SLC25A30: variants seen among roughly 807,000 people sequenced by gnomAD.
SLC25A30 encodes solute carrier family 25 member 30, also known as kidney mitochondrial carrier protein 1.
Under a neutral mutation model 42.7 loss-of-function variants are expected in SLC25A30, and 29 were observed. The ratio of observed to expected loss-of-function variants is 0.68; its 90% confidence interval spans 0.51 to 0.93. The LOEUF (loss-of-function observed/expected upper bound fraction) is 0.93, where lower values mean the gene tolerates loss of function less well. Ranked by LOEUF, SLC25A30 falls within the 40% of genes least tolerant of loss-of-function variation. The pLI is 0.00. For missense variants in SLC25A30, 300 were observed against 359.7 expected (o/e 0.83, Z 1.34); for synonymous variants, 124 against 131.0 (o/e 0.95, Z 0.37).
At chr13:45,421,924 A>C (rs1883900316), upstream of SLC25A30, among the ~76,000 whole-genome samples, 1 of 152,144 alleles carries the variant, frequency 6.6e-6, no homozygotes, top group Non-Finnish European at 1.5e-5. Context: ...AAGTCTGGCC[A>C]TATAGGCACT....
At chr13:45,424,798 A>AT in the SLC25A30 span, among the ~76,000 whole-genome samples, 3 of 67,378 alleles carry the variant, frequency 4.5e-5, no homozygotes, top group African/African-American at 1.6e-4. Context: ...AAAAGAATAT[A>AT]AATATATAAA....
the SLC25A30 span, among the ~76,000 whole-genome samples, chr13:45,425,115 T>TA: frequency 4.8e-4 from 33 of 68,980 alleles, no homozygotes; most frequent in Non-Finnish European, 5.1e-4. Context: ...TATAAATATA[T>TA]TTATAAATAT....
chr13:45,433,731 C>T, the SLC25A30 span, among the ~76,000 whole-genome samples: 1 of 152,152 alleles, frequency 6.6e-6, no homozygotes, highest in African/African-American at 2.4e-5. Context: ...GGGCCACAGC[C>T]ATTTATGTCC....
At chr13:45,424,608 AAT>A in the SLC25A30 span, among the ~76,000 whole-genome samples, 6 of 42,212 alleles carry the variant, frequency 1.4e-4, 2 homozygotes. Context: ...AATATATATA[AAT>A]ATATATAAAT....
intron 1 of SLC25A30, among the ~76,000 whole-genome samples, chr13:45,417,155 A>G (rs576311563): frequency 6.6e-6 from 1 of 152,156 alleles, no homozygotes; most frequent in Admixed American, 6.5e-5. Context: ...CTAGAATTAG[A>G]CATCCGTCAC....
the SLC25A30 span, among the ~76,000 whole-genome samples, chr13:45,431,109 G>A: frequency 1.1e-4 from 16 of 152,066 alleles, no homozygotes; most frequent in Admixed American, 9.2e-4. Flanking sequence ...GTGCAATGGC[G>A]TGATCTTGGC....
intron 9 of SLC25A30, chr13:45,396,510 A>G (rs1881344774): frequency 3.7e-6 from 1 of 268,866 alleles, no homozygotes; most frequent in Non-Finnish European, 5.9e-6. Flanking sequence ...GCGGTGGCTC[A>G]CGCCTGTAAT....
At chr13:45,422,377 C>G (rs1883910167), upstream of SLC25A30, among the ~76,000 whole-genome samples, 1 of 152,070 alleles carries the variant, frequency 6.6e-6, no homozygotes, top group South Asian at 2.1e-4. Flanking sequence ...CTGGTCACCT[C>G]CTCTCCTTGG....
At chr13:45,421,156 A>G (rs1174182449), upstream of SLC25A30, among the ~76,000 whole-genome samples, 1 of 152,084 alleles carries the variant, frequency 6.6e-6, no homozygotes, top group Non-Finnish European at 1.5e-5. Context: ...AAGCAGGTGG[A>G]TCACCTGAGG....
upstream of SLC25A30, chr13:45,420,306 G>A (rs1261550769): frequency 6.6e-6 from 1 of 152,136 alleles, no homozygotes; most frequent in African/African-American, 2.4e-5. Context: ...TGGACTCTAG[G>A]TGAGTACCTG....
chr13:45,397,875 A>ACTCC, intron 8 of SLC25A30: 1 of 985,576 alleles, frequency 1.0e-6, no homozygotes, highest in Non-Finnish European at 1.2e-6. Context: ...AAAGGAGATA[A>ACTCC]ACACTGTTGA....
the SLC25A30 span, among the ~76,000 whole-genome samples, chr13:45,425,309 A>T: frequency 1.9e-5 from 2 of 105,598 alleles, no homozygotes; most frequent in Non-Finnish European, 3.4e-5. Flanking sequence ...CGTATATATA[A>T]ATATATATGT....
At chr13:45,420,310 G>A (rs1355095218), upstream of SLC25A30, 4 of 152,088 alleles carry the variant, frequency 2.6e-5, no homozygotes, top group African/African-American at 9.7e-5. Flanking sequence ...CTCTAGGTGA[G>A]TACCTGGATT....
chr13:45,423,767 A>AAATATAT, the SLC25A30 span, among the ~76,000 whole-genome samples: 1 of 24,442 alleles, frequency 4.1e-5, no homozygotes, highest in African/African-American at 1.6e-4. Context: ...TAAATATATA[A>AAATATAT]AAATATATAA....
rs554601944 is a variant in SLC25A30, at chr13:45,405,968, G to A, written c.222C>T (p.Pro74=). Residue 74 remains proline (P), a synonymous_variant, in exon 4 of 10, where the codon CCC becomes CCT. Coordinates refer to ENST00000519676, the MANE Select transcript of SLC25A30 (RefSeq NM_001010875.4). The part of the protein sequence containing the change: ...GLKALYSGIA[P]AMLRQASYGT... ...CATAGGATGCCTGGCGTAACATCGC[G>A]GGGGCAATCCTGTTAAACCAATGTA... is the stretch of plus-strand genomic sequence containing the variant. The A allele has an allele frequency of 6.8e-6, 11 of 1,614,112 alleles. No homozygotes were observed. Among genetic ancestry groups the A allele is most frequent in the African/African-American group, 4.0e-5 (3 of 75,028 alleles).
intron 2 of SLC25A30, among the ~76,000 whole-genome samples, chr13:45,410,807 G>T (rs971924809): frequency 2.5e-4 from 38 of 152,146 alleles, no homozygotes; most frequent in African/African-American, 8.9e-4. Context: ...ACCAGACCCT[G>T]TCTCAAAACA....
intron 1 of SLC25A30, among the ~76,000 whole-genome samples, chr13:45,413,477 C>T (rs942403031): frequency 6.6e-6 from 1 of 151,992 alleles, no homozygotes; most frequent in Non-Finnish European, 1.5e-5. Context: ...TGTAGTGGCA[C>T]GCATCTGTAG....
Position 45,394,567 on chromosome 13 carries a change from C to T in SLC25A30, c.*1407G>A. 2 of 985,154 alleles carry T rather than the reference C, an allele frequency of 2.0e-6. No individual in the cohort carries two copies. Among genetic ancestry groups the T allele is most frequent in the Non-Finnish European group, 2.4e-6 (2 of 829,882 alleles). 61.0% of individuals were successfully genotyped at this position (985,154 alleles called of 1,614,324 possible). On this transcript the variant is annotated 3_prime_UTR_variant, in exon 10 of 10. Transcript: ENST00000519676. Reference sequence around the variant, plus strand: ...AAATATGTTCCCTGTCCTGTGGCTGCCTCCCAGAAGTGGAAGTTCTTGGGG... The same window carrying T: ...AAATATGTTCCCTGTCCTGTGGCTGTCTCCCAGAAGTGGAAGTTCTTGGGG...
chr13:45,407,811 C>T (rs1882655811), intron 3 of SLC25A30, among the ~76,000 whole-genome samples: 1 of 152,198 alleles, frequency 6.6e-6, no homozygotes, highest in Non-Finnish European at 1.5e-5. Flanking sequence ...AGACATTAGT[C>T]TTGGCTCCTC....
Sources: gnomAD v4.1 joint callset for allele counts (sites outside exome capture counted in the v4.1 genomes callset) on GRCh38, gnomAD v4.1.1 for gene constraint, MANE v1.5 for transcripts, NCBI Gene and HGNC (gene_info 2026-07-23, HGNC 2026-07-21) for gene names.